The following IGF2R variants were observed in gnomAD, a reference collection of about 807,000 sequenced individuals.
IGF2R encodes insulin like growth factor 2 receptor, also known as cation-independent mannose-6-phosphate receptor.
A neutral mutation model predicts 270.6 loss-of-function variants in IGF2R; 91 were observed. The observed-to-expected ratio is 0.34, with a 90% confidence interval of 0.28 to 0.40. IGF2R has a LOEUF of 0.40. Among genes scored for constraint, IGF2R ranks in the 10% least tolerant of loss-of-function variants. IGF2R has a pLI of 1.00. For missense variants in IGF2R, 2,805 were observed against 3,188.3 expected (o/e 0.88, Z 2.90); for synonymous variants, 1,316 against 1,258.9 (o/e 1.05, Z -0.96).
intron 39 of IGF2R, among the ~76,000 whole-genome samples, chr6:160,082,003 A>G (rs1313986422): frequency 6.6e-6 from 1 of 152,224 alleles, no homozygotes; most frequent in Non-Finnish European, 1.5e-5. Flanking sequence ...AGATGATGGG[A>G]TTAAGAGATT....
chr6:160,010,649 G>A (rs770059719), intron 3 of IGF2R, 38 bp from the exon 4 acceptor site: 2 of 1,145,712 alleles, frequency 1.7e-6, no homozygotes, highest in Non-Finnish European at 2.6e-6. Context: ...TACAATGTGT[G>A]GTATGGTAAC....
At chr6:160,079,816 T>G in intron 38 of IGF2R, 29 bp downstream of exon 38, 1 of 1,436,786 alleles carries the variant, frequency 7.0e-7, no homozygotes, top group Middle Eastern at 1.9e-4. Context: ...GTAAATAAAC[T>G]TCAAGCTCAT....
chr6:160,078,468 G>A (rs1778903165), intron 37 of IGF2R, 106 bp downstream of exon 37: 3 of 1,082,232 alleles, frequency 2.8e-6, no homozygotes, highest in African/African-American at 1.6e-5. Context: ...AGCTGAGAGG[G>A]TGTATGTGGC....
chr6:160,060,313 G>T (rs8191838), intron 22 of IGF2R, among the ~76,000 whole-genome samples: 1 of 152,272 alleles, frequency 6.6e-6, no homozygotes, highest in Non-Finnish European at 1.5e-5. Flanking sequence ...TGTAACACAG[G>T]CCACTGTTGC....
At chr6:159,978,878 A>G (rs1430955526) in intron 1 of IGF2R, among the ~76,000 whole-genome samples, 1 of 152,128 alleles carries the variant, frequency 6.6e-6, no homozygotes, top group Non-Finnish European at 1.5e-5. Flanking sequence ...CCTGGGGGCA[A>G]CCATTATTCA....
At chr6:160,007,898 TTCTC>T (rs1784268787) in intron 2 of IGF2R, among the ~76,000 whole-genome samples, 1 of 152,212 alleles carries the variant, frequency 6.6e-6, no homozygotes. Flanking sequence ...TAAGAAATCT[TTCTC>T]TATCTTAAGA....
At chr6:160,082,710 G>A (rs544834658) in intron 39 of IGF2R, among the ~76,000 whole-genome samples, 27 of 152,360 alleles carry the variant, frequency 1.8e-4, no homozygotes, top group African/African-American at 6.5e-4. Flanking sequence ...TACGATGAAA[G>A]GCTGTGTGCC....
chr6:160,098,886 G>C (rs1213717661), intron 45 of IGF2R, among the ~76,000 whole-genome samples: 1 of 152,118 alleles, frequency 6.6e-6, no homozygotes, highest in South Asian at 2.1e-4. Context: ...ACCATTTTTA[G>C]TTCTTTTAGC....
At chr6:160,071,684 G>T (rs1297365326) in intron 31 of IGF2R, among the ~76,000 whole-genome samples, 1 of 152,174 alleles carries the variant, frequency 6.6e-6, no homozygotes, top group Non-Finnish European at 1.5e-5. Flanking sequence ...GTGTGTTGCT[G>T]CCTGTGGGTG....
intron 1 of IGF2R, among the ~76,000 whole-genome samples, chr6:159,977,677 A>T (rs1038051887): frequency 6.6e-6 from 1 of 152,144 alleles, no homozygotes; most frequent in African/African-American, 2.4e-5. Context: ...AAAACCTCTC[A>T]TTAGGGAGTT....
chr6:160,030,828 T>G (rs1386748606), intron 7 of IGF2R, among the ~76,000 whole-genome samples: 1 of 151,714 alleles, frequency 6.6e-6, no homozygotes, highest in African/African-American at 2.4e-5. Context: ...CTCTGTTTTT[T>G]TTTTTTTTTT....
chr6:160,038,916 G>C (rs1179003416), intron 10 of IGF2R, among the ~76,000 whole-genome samples: 1 of 152,170 alleles, frequency 6.6e-6, no homozygotes, highest in Admixed American at 6.5e-5. Context: ...ACGGATGAGG[G>C]CAGACCCTCA....
rs1779612695 is a variant in IGF2R, at chr6:160,106,105, C to T, written c.*1021C>T. 6.6e-6 allele frequency: 1 copy of T among 152,624 alleles called. No individual in the cohort carries two copies. Among genetic ancestry groups the T allele is most frequent in the East Asian group, 1.9e-4 (1 of 5,196 alleles). The allele number at this position is 152,624 out of a possible 1,614,324, so 9.5% of individuals were successfully genotyped here. A position where few individuals can be genotyped will look rare whatever the true frequency, so the allele number is the denominator to read the frequency against. ...AAGCCTTAATTTGCACAGTGTGTGA[C>T]TTACAGAAACTGCATGAAAAATCAT... On this transcript the variant is annotated 3_prime_UTR_variant, in exon 48 of 48. Coordinates refer to ENST00000356956, the MANE Select transcript of IGF2R (RefSeq NM_000876.4).
intron 12 of IGF2R, among the ~76,000 whole-genome samples, chr6:160,044,250 C>A (rs113621029): frequency 1.8e-4 from 27 of 152,252 alleles, no homozygotes; most frequent in African/African-American, 6.3e-4. Context: ...ATTGTGCATC[C>A]TTCATGGCGC....
rs78898617 is a variant in IGF2R, at chr6:160,032,131, C to A, written c.883-420C>A. 4.7e-3 allele frequency among the ~76,000 whole-genome samples: 716 copies of A among 152,284 alleles called. 7 individuals carry two copies. Among genetic ancestry groups the A allele is most frequent in the African/African-American group, 0.016 (673 of 41,536 alleles). On this transcript the variant is annotated intron_variant, in intron 7 of 47. Transcript: ENST00000356956. ...ACTCAGTGTCAGGGTTGCACCACTC[C>A]AGTTGAGCACCTCGTGGAAAGCGGT...
intron 28 of IGF2R, 102 bp downstream of exon 28, chr6:160,064,633 G>C: frequency 3.0e-6 from 4 of 1,339,510 alleles, no homozygotes; most frequent in Non-Finnish European, 3.1e-6. Context: ...CAAATCTCCT[G>C]GTTAACTGAG....
chr6:159,971,798 C>G (rs1783613183), intron 1 of IGF2R, among the ~76,000 whole-genome samples: 1 of 152,108 alleles, frequency 6.6e-6, no homozygotes, highest in African/African-American at 2.4e-5. Flanking sequence ...CAGGTGTGTG[C>G]CACCCCACTT....
chr6:160,064,981 C>A, intron 29 of IGF2R, 80 bp downstream of exon 29: 1 of 913,782 alleles, frequency 1.1e-6, no homozygotes, highest in Non-Finnish European at 1.8e-6. Flanking sequence ...GTCTTGGGTG[C>A]AGGGGATTAG....
chr6:160,067,173 G>C (rs1300987094), intron 29 of IGF2R, among the ~76,000 whole-genome samples: 1 of 152,146 alleles, frequency 6.6e-6, no homozygotes, highest in African/African-American at 2.4e-5. Context: ...GCCACACGGG[G>C]TTTCTGTCTT....
Sources: allele counts gnomAD v4.1 joint callset (sites outside exome capture counted in the v4.1 genomes callset), GRCh38; gene constraint gnomAD v4.1.1; transcripts MANE v1.5; gene names NCBI Gene and HGNC (gene_info 2026-07-23, HGNC 2026-07-21).